XIST: variants seen among roughly 807,000 people sequenced by gnomAD.
The protein encoded by XIST is X inactive specific transcript (non-protein coding).
chrX:73,846,337 T>C (rs762552651), exon 1 of XIST: 18 of 556,681 alleles, frequency 3.2e-5, no homozygotes, highest in Admixed American at 1.6e-4. Context: ...ACCTTGACTG[T>C]CCAAATGTGA....
chrX:73,825,142 G>A, exon 6 of XIST: 1 of 522,874 alleles, frequency 1.9e-6, no homozygotes, highest in Non-Finnish European at 3.4e-6. Flanking sequence ...CATTATAGGT[G>A]ACCACAACAA....
exon 6 of XIST, chrX:73,822,307 G>T (rs769950844): frequency 3.6e-6 from 2 of 555,314 alleles, no homozygotes; most frequent in African/African-American, 4.5e-5. Context: ...TATCGTAGTG[G>T]CCAGAGTGGT....
intron 4 of XIST, chrX:73,829,424 A>G (rs1385585379): frequency 2.7e-6 from 1 of 374,151 alleles, no homozygotes; most frequent in Non-Finnish European, 4.7e-6. Flanking sequence ...CATAAATGGG[A>G]AAATGTCTTG....
At chrX:73,844,253 A>G (rs1309063184) in exon 1 of XIST, 1 of 558,947 alleles carries the variant, frequency 1.8e-6, no homozygotes, top group Non-Finnish European at 3.2e-6. Flanking sequence ...ATTAGGATGA[A>G]CCATGTGGTG....
exon 1 of XIST, chrX:73,849,419 A>C (rs781323838): frequency 5.2e-5 from 29 of 557,320 alleles, no homozygotes; most frequent in Middle Eastern, 3.1e-4. Context: ...CAATGCAAAG[A>C]GTTTTAGGTG....
intron 1 of XIST, among the ~76,000 whole-genome samples, chrX:73,838,371 G>A (rs959051670): frequency 9.0e-6 from 1 of 110,518 alleles, no homozygotes; most frequent in Non-Finnish European, 1.9e-5. Context: ...TCATGTTTCC[G>A]GGAACACTAG....
chrX:73,831,351 A>G, intron 3 of XIST: 1 of 444,306 alleles, frequency 2.3e-6, no homozygotes. Context: ...CTAGTGGTTG[A>G]GTTCAACCAT....
At chrX:73,837,850 T>C (rs1340783373) in intron 1 of XIST, among the ~76,000 whole-genome samples, 1 of 111,744 alleles carries the variant, frequency 8.9e-6, no homozygotes, top group Non-Finnish European at 1.9e-5. Flanking sequence ...CCATCATTGT[T>C]TGCAGATCTG....
exon 1 of XIST, chrX:73,845,297 G>C (rs1223545635): frequency 1.8e-6 from 1 of 553,331 alleles, no homozygotes; most frequent in Non-Finnish European, 3.2e-6. Context: ...ACACATAACA[G>C]GCCAGGAAAA....
chrX:73,845,904 G>T lies in XIST; in HGVS notation n.6820C>A, dbSNP rs768172458. On this transcript the variant is annotated non_coding_transcript_exon_variant, in exon 1 of 6. Transcript: ENST00000429829. The stretch of plus-strand genomic sequence containing the variant: ...ACGCACATAACAGGCCAAGAAAAGG[G>T]GCCTTGGTGATCAGCACCCCTGCTG... 14 of 555,754 alleles carry T rather than the reference G, an allele frequency of 2.5e-5. No homozygotes were observed. The African/African-American group carries it at 3.2e-4, about 13-fold the overall frequency. 45.8% of individuals were successfully genotyped at this position (555,754 alleles called of 1,213,427 possible).
chrX:73,827,335 G>C (rs1252542669), exon 6 of XIST: 1 of 558,564 alleles, frequency 1.8e-6, no homozygotes, highest in Non-Finnish European at 3.2e-6. Context: ...AAATATTTAA[G>C]GAGAGATTAC....
intron 4 of XIST, chrX:73,830,985 G>A: frequency 2.0e-6 from 1 of 494,356 alleles, no homozygotes; most frequent in Non-Finnish European, 3.6e-6. Flanking sequence ...CGACCTCAGT[G>A]AAACACTAAG....
At chrX:73,828,997 C>A in intron 5 of XIST, 1 of 488,494 alleles carries the variant, frequency 2.0e-6, no homozygotes, top group Non-Finnish European at 3.7e-6. Context: ...CATCCAACAC[C>A]AGCTCCCAAA....
exon 6 of XIST, chrX:73,824,307 C>T (rs41306125): frequency 2.3e-5 from 12 of 515,201 alleles, no homozygotes; most frequent in Non-Finnish European, 3.8e-5. Context: ...TTCAAATTTT[C>T]CTACTTTATT....
intron 2 of XIST, chrX:73,833,469 T>C (rs1922424554): frequency 2.2e-6 from 1 of 461,278 alleles, no homozygotes; most frequent in Admixed American, 3.1e-5. Context: ...CTAGGAAGTA[T>C]AAACTGAAGC....
chrX:73,847,404 C>CT (rs748433893), exon 1 of XIST: 6,073 of 459,534 alleles, frequency 0.013, no homozygotes, highest in East Asian at 0.016. Context: ...AATTGTCTTA[C>CT]TTTTTTTTTT....
At chrX:73,844,177 G>C (rs752858310) in exon 1 of XIST, 3 of 556,619 alleles carry the variant, frequency 5.4e-6, no homozygotes, top group Non-Finnish European at 6.5e-6. Flanking sequence ...CCAAGAAAAG[G>C]GGACTTAGGG....
At chrX:73,827,298 C>G (rs768968626) in exon 6 of XIST, 1 of 556,528 alleles carries the variant, frequency 1.8e-6, no homozygotes, top group African/African-American at 2.3e-5. Context: ...GACACACACA[C>G]ACGTACACTT....
At chrX:73,838,501 AT>A (rs1457442561) in intron 1 of XIST, among the ~76,000 whole-genome samples, 4 of 111,430 alleles carry the variant, frequency 3.6e-5, no homozygotes, top group African/African-American at 1.3e-4. Context: ...ATGAAAAAAA[AT>A]AATCAAAAGT....
Sources: allele counts gnomAD v4.1 joint callset (sites outside exome capture counted in the v4.1 genomes callset), GRCh38; gene constraint gnomAD v4.1.1; transcripts MANE v1.5; gene names NCBI Gene and HGNC (gene_info 2026-07-23, HGNC 2026-07-21).